The following ACAD10 variants were observed in gnomAD, a reference collection of about 807,000 sequenced individuals.
The protein encoded by ACAD10 is acyl-CoA dehydrogenase family member 10.
Under a neutral mutation model 116.8 loss-of-function variants are expected in ACAD10, and 112 were observed. The observed-to-expected ratio is 0.96, with a 90% CI of 0.82 to 1.12. The LOEUF is 1.12. ACAD10 is among the 50% of genes most tolerant of loss of function. The probability of loss-of-function intolerance (pLI) is 0.00; values close to 1 mark genes in which losing one functional copy is unlikely to be tolerated. For synonymous variants in ACAD10, 486 were observed against 510.6 expected, an observed-to-expected ratio of 0.95 and a Z score of 0.65; for missense variants, 1,259 against 1,350.2, an observed-to-expected ratio of 0.93 and a Z score of 1.06.
intron 10 of ACAD10, among the ~76,000 whole-genome samples, chr12:111,731,255 T>G (rs373656945): frequency 6.6e-6 from 1 of 152,226 alleles, no homozygotes; most frequent in Admixed American, 6.5e-5. Context: ...TCACGGGAGC[T>G]TGAGGAACCT....
chr12:111,727,534 AAAATAAAT>A (rs1028855408), intron 8 of ACAD10, among the ~76,000 whole-genome samples: 1 of 152,216 alleles, frequency 6.6e-6, no homozygotes, highest in Non-Finnish European at 1.5e-5. Flanking sequence ...AAAAAATTAA[AAAATAAAT>A]AAATAAATAA....
chr12:111,703,992 A>G (rs1041725915), intron 3 of ACAD10, among the ~76,000 whole-genome samples: 13 of 151,866 alleles, frequency 8.6e-5, no homozygotes, highest in African/African-American at 3.1e-4. Context: ...AGCCAGTCAA[A>G]AAAGACTGCA....
At chr12:111,754,831 A>G (rs1593059847) in intron 19 of ACAD10, among the ~76,000 whole-genome samples, 1 of 152,164 alleles carries the variant, frequency 6.6e-6, no homozygotes, top group Non-Finnish European at 1.5e-5. Flanking sequence ...TTATCCCTTC[A>G]GTGTGTGCTG....
intron 3 of ACAD10, 70 bp downstream of exon 3, chr12:111,702,380 T>G: frequency 6.5e-7 from 1 of 1,546,024 alleles, no homozygotes; most frequent in Non-Finnish European, 8.8e-7. Flanking sequence ...AACATTCATG[T>G]ATAAGTTAGT....
chr12:111,744,559 C>T, intron 12 of ACAD10, 84 bp from the exon 13 acceptor site: 1 of 1,507,762 alleles, frequency 6.6e-7, no homozygotes, highest in Admixed American at 1.9e-5. Flanking sequence ...GCAATAGCTG[C>T]TGAAGTGACA....
chr12:111,749,495 T>G (rs1269374381), intron 18 of ACAD10, 150 bp downstream of exon 18: 1 of 1,035,724 alleles, frequency 9.7e-7, no homozygotes, highest in Non-Finnish European at 1.4e-6. Flanking sequence ...CCTGTCTGCT[T>G]TGCATCTGCT....
At chr12:111,751,662 C>T (rs1035310037) in intron 18 of ACAD10, among the ~76,000 whole-genome samples, 7 of 150,358 alleles carry the variant, frequency 4.7e-5, no homozygotes, top group African/African-American at 9.8e-5. Context: ...ATCCAGGAGG[C>T]GGAGGTTGCA....
chr12:111,738,109 G>A lies in ACAD10; in HGVS notation c.1714+1105G>A, dbSNP rs568900901. Among the ~76,000 whole-genome samples, 35 of 152,046 alleles carry A rather than the reference G, an allele frequency of 2.3e-4. 1 individual carries two copies. Among genetic ancestry groups the A allele is most frequent in the East Asian group, 1.5e-3 (8 of 5,166 alleles). ...TGACCTCAGATGATCCATCCACCTC[G>A]GCCTCCCAAAGTGCTGGGATTACAG... On this transcript the variant is annotated intron_variant, in intron 12 of 20. Transcript: ENST00000313698.
Position 111,756,746 on chromosome 12 carries a change from A to T in ACAD10, c.*273A>T, listed in dbSNP as rs1566173330. 1 of 614,178 alleles carries T rather than the reference A, an allele frequency of 1.6e-6. No homozygotes were observed. Among genetic ancestry groups the T allele is most frequent in the South Asian group, 1.5e-5 (1 of 66,042 alleles). The allele number at this position is 614,178 out of a possible 1,614,324, so 38.0% of individuals were successfully genotyped here. On this transcript the variant is annotated 3_prime_UTR_variant, in exon 21 of 21. Coordinates refer to ENST00000313698, the MANE Select transcript of ACAD10 (RefSeq NM_025247.6). ...CTGGAAAGCTGGTCTTCAGGCTCTC[A>T]GTCCCAGGCTGGGCAGGCACGGTCA...
intron 5 of ACAD10, among the ~76,000 whole-genome samples, chr12:111,711,288 C>T (rs1407842702): frequency 1.0e-4 from 15 of 150,750 alleles, no homozygotes; most frequent in East Asian, 9.9e-4. Context: ...GCAAGCTCCA[C>T]CTCCTGGGTT....
chr12:111,733,396 C>T (rs1889455223), intron 10 of ACAD10, among the ~76,000 whole-genome samples: 2 of 152,104 alleles, frequency 1.3e-5, no homozygotes, highest in South Asian at 4.1e-4. Flanking sequence ...CCCTGGACTT[C>T]TTACCTGGGG....
chr12:111,727,321 A>C (rs1695176110), intron 8 of ACAD10, among the ~76,000 whole-genome samples: 1 of 152,106 alleles, frequency 6.6e-6, no homozygotes, highest in Admixed American at 6.6e-5. Context: ...TCAGGAGATC[A>C]AGACCATCCT....
Position 111,746,175 on chromosome 12 carries a change from T to C in ACAD10, c.2147T>C (p.Leu716Pro), listed in dbSNP as rs1205743129. 1 of 1,613,556 alleles carries C rather than the reference T, an allele frequency of 6.2e-7. No homozygotes were observed. The highest frequency in any genetic ancestry group is 1.7e-5 in the Admixed American group (1 of 59,870). Residue 716 changes from leucine (L) to proline (P), a missense_variant, in exon 14 of 21, where the codon CTT (leucine) becomes CCT (proline). By Grantham distance (98) the Leu-to-Pro change is moderately conservative (BLOSUM62 -3). Transcript: ENST00000313698. ...EKAKAEGLWN[L>P]FLPLEADPEK... Reference sequence around the variant, plus strand: ...GCCAAAGCTGAAGGACTTTGGAACCTTTTCCTACCCTTAGAGGCTGATCCC... The same window carrying C: ...GCCAAAGCTGAAGGACTTTGGAACCCTTTCCTACCCTTAGAGGCTGATCCC...
intron 2 of ACAD10, among the ~76,000 whole-genome samples, chr12:111,698,906 A>G (rs530654964): frequency 1.4e-4 from 21 of 151,584 alleles, no homozygotes; most frequent in Non-Finnish European, 2.6e-4. Flanking sequence ...TTGAAACGGA[A>G]TTTTACTCTG....
chr12:111,692,681 C>A lies in ACAD10; in HGVS notation c.-13-16C>A. ...CAGTGCAGGCAAGTAACGCCCTGTG[C>A]CTTCTTCCCACACAGCCTCAGCCTC... is the stretch of plus-strand genomic sequence containing the variant. On this transcript the variant is annotated splice_polypyrimidine_tract_variant and intron_variant, in intron 1 of 20. Coordinates refer to ENST00000313698, the MANE Select transcript of ACAD10 (RefSeq NM_025247.6). 6.2e-7 allele frequency: 1 copy of A among 1,604,456 alleles called. No individual in the cohort carries two copies.
chr12:111,735,676 C>T (rs1048615918), intron 11 of ACAD10, among the ~76,000 whole-genome samples: 6 of 152,054 alleles, frequency 3.9e-5, no homozygotes, highest in African/African-American at 7.2e-5. Context: ...AGGATGGTCT[C>T]GATCTCCTGA....
chr12:111,716,406 T>G (rs1888848156), intron 7 of ACAD10, among the ~76,000 whole-genome samples: 1 of 152,162 alleles, frequency 6.6e-6, no homozygotes, highest in Non-Finnish European at 1.5e-5. Context: ...TTAGAACTAT[T>G]CTGGAAAACA....
intron 3 of ACAD10, among the ~76,000 whole-genome samples, chr12:111,705,090 A>G (rs1025402755): frequency 6.6e-6 from 1 of 152,206 alleles, no homozygotes; most frequent in Non-Finnish European, 1.5e-5. Context: ...TATAAAAAGC[A>G]TTAAATGACT....
In ACAD10 at chr12:111,715,908, A is replaced by G. The variant is rs1888831297; in HGVS notation, c.938A>G (p.Lys313Arg). 6.2e-7 allele frequency: 1 copy of G among 1,614,022 alleles called. No homozygotes were observed. Residue 313 changes from lysine to arginine, a missense_variant, in exon 7 of 21, where the codon AAG (lysine) becomes AGG (arginine). By Grantham distance (26) the Lys-to-Arg change is conservative. Transcript: ENST00000313698. The stretch of plus-strand genomic sequence containing the variant: ...GCTAATCGTGATCTAGTTCTGAGGA[A>G]GAAGCCCCCAGGGACACTCCTTCCA... The part of the protein sequence containing the change: ...RLANRDLVLR[K>R]KPPGTLLPSA...
Sources: allele counts gnomAD v4.1 joint callset (sites outside exome capture counted in the v4.1 genomes callset), GRCh38; gene constraint gnomAD v4.1.1; transcripts MANE v1.5; gene names NCBI Gene and HGNC (gene_info 2026-07-23, HGNC 2026-07-21).